Variants in SPTLC1 observed in about 807,000 individuals in gnomAD.
The protein encoded by SPTLC1 is serine palmitoyltransferase long chain base subunit 1, also known as serine palmitoyltransferase 1.
SPTLC1 carries 55 observed loss-of-function variants against 68.9 expected under a neutral mutation model. That is an observed-to-expected ratio of 0.80 (90% CI 0.64 to 1.00). The LOEUF (loss-of-function observed/expected upper bound fraction) is 1.00, where lower values mean the gene tolerates loss of function less well. SPTLC1 is among the 50% of genes least tolerant of loss of function. The pLI is 0.00. For synonymous variants in SPTLC1, 197 were observed against 201.6 expected (o/e 0.98, Z 0.19); for missense variants, 449 against 573.1 (o/e 0.78, Z 2.21).
intron 3 of SPTLC1, chr9:92,104,349 G>A: frequency 7.2e-7 from 1 of 1,393,304 alleles, no homozygotes; most frequent in Non-Finnish European, 9.3e-7. Context: ...CGGGAATCTG[G>A]GGCCGTTTCC....
chr9:92,083,905 C>G (rs1835001937), intron 3 of SPTLC1, among the ~76,000 whole-genome samples: 1 of 152,166 alleles, frequency 6.6e-6, no homozygotes, highest in African/African-American at 2.4e-5. Context: ...TTTGTATCCT[C>G]TTTTATTTCC....
At chr9:92,077,501 A>T (rs907553039) in intron 5 of SPTLC1, among the ~76,000 whole-genome samples, 1 of 152,088 alleles carries the variant, frequency 6.6e-6, no homozygotes, top group African/African-American at 2.4e-5. Flanking sequence ...AACTGTGCCC[A>T]TCAGACGACC....
intron 11 of SPTLC1, among the ~76,000 whole-genome samples, chr9:92,046,743 A>G (rs983953405): frequency 1.3e-5 from 2 of 152,218 alleles, no homozygotes; most frequent in African/African-American, 4.8e-5. Context: ...TGGCCTCAGT[A>G]CCAACTGATG....
At chr9:92,071,856 T>C (rs1415765328) in intron 5 of SPTLC1, among the ~76,000 whole-genome samples, 1 of 152,194 alleles carries the variant, frequency 6.6e-6, no homozygotes, top group Non-Finnish European at 1.5e-5. Context: ...TAACAGGCTC[T>C]ACCCTAACTG....
rs1387007219 is a variant in SPTLC1 at position 92,083,717 on chromosome 9, G to A, written c.261-2754C>T. On this transcript the variant is annotated intron_variant, in intron 3 of 14. Coordinates refer to ENST00000262554, the MANE Select transcript of SPTLC1 (RefSeq NM_006415.4). The stretch of plus-strand genomic sequence containing the variant: ...TCTTTTGGCTTAGGATTGACTTGGC[G>A]ATGTGGGCTCTTTTTTGGTTCCATA... Among the ~76,000 whole-genome samples, 31 of 152,060 alleles carry A rather than the reference G, an allele frequency of 2.0e-4. No homozygotes were observed. In the East Asian group the frequency reaches 4.6e-3, roughly 23 times the overall value.
At chr9:92,038,451 T>A (rs1337906333) in intron 12 of SPTLC1, 86 bp from the exon 13 acceptor site, 1 of 884,520 alleles carries the variant, frequency 1.1e-6, no homozygotes, top group Non-Finnish European at 1.9e-6. Context: ...AAGTCCACAA[T>A]GTCAAGGCAC....
At chr9:92,091,437 A>T (rs1000162455) in intron 3 of SPTLC1, among the ~76,000 whole-genome samples, 4 of 152,266 alleles carry the variant, frequency 2.6e-5, no homozygotes, top group Non-Finnish European at 5.9e-5. Flanking sequence ...CAATGCTTCT[A>T]ATGATGAATA....
chr9:92,107,000 T>C (rs1836022208), intron 3 of SPTLC1, among the ~76,000 whole-genome samples: 1 of 152,202 alleles, frequency 6.6e-6, no homozygotes. Flanking sequence ...AAATGGGTAG[T>C]GAGATTAAGT....
chr9:92,082,264 A>T (rs1334992383), intron 3 of SPTLC1, among the ~76,000 whole-genome samples: 1 of 151,870 alleles, frequency 6.6e-6, no homozygotes, highest in East Asian at 1.9e-4. Flanking sequence ...TTATACTCTA[A>T]GTTTTAGGGT....
At position 92,046,117 on chromosome 9, in the gene SPTLC1, T is replaced by G. The variant is rs151128008; in HGVS notation, c.1082-64A>C. Reference sequence around the variant, plus strand: ...TTATGATAGTACTAACCTAAAAATATTTTTGAAGACCCAGATCAAGTTCAT... The same window carrying G: ...TTATGATAGTACTAACCTAAAAATAGTTTTGAAGACCCAGATCAAGTTCAT... On this transcript the variant is annotated intron_variant, in intron 11 of 14. Coordinates refer to ENST00000262554, the MANE Select transcript of SPTLC1 (RefSeq NM_006415.4). 2.3e-4 allele frequency: 309 copies of G among 1,332,508 alleles called. 1 individual carries two copies. The highest frequency in any genetic ancestry group is 1.7e-3 in the Middle Eastern group (7 of 4,082). 82.5% of individuals were successfully genotyped at this position (1,332,508 alleles called of 1,614,324 possible).
At chr9:92,038,552 C>T in intron 12 of SPTLC1, 187 bp from the exon 13 acceptor site, 1 of 630,738 alleles carries the variant, frequency 1.6e-6, no homozygotes, top group Non-Finnish European at 2.9e-6. Flanking sequence ...AGTGCTTCCT[C>T]ATCTAAAAAA....
chr9:92,104,401 C>T, intron 3 of SPTLC1: 1 of 1,390,122 alleles, frequency 7.2e-7, no homozygotes, highest in South Asian at 1.5e-5. Flanking sequence ...GCCTTCTTTT[C>T]CAGTCAGGTG....
chr9:92,049,883 T>C, intron 9 of SPTLC1, 77 bp downstream of exon 9: 2 of 1,020,202 alleles, frequency 2.0e-6, no homozygotes, highest in Non-Finnish European at 3.1e-6. Context: ...CTTGTGCCTA[T>C]AAAAATATAG....
Position 92,079,800 on chromosome 9 carries a change from TGA to T in SPTLC1, c.427+214_427+215del. 1.7e-5 allele frequency: 11 copies of T among 651,950 alleles called. No individual in the cohort carries two copies. The South Asian group carries it at 2.0e-4, about 12-fold the overall frequency. 40.4% of individuals were successfully genotyped at this position (651,950 alleles called of 1,614,324 possible). On this transcript the variant is annotated intron_variant, in intron 5 of 14. Coordinates refer to ENST00000262554, the MANE Select transcript of SPTLC1 (RefSeq NM_006415.4). The stretch of plus-strand genomic sequence containing the variant: ...CAATCCCCACACATGCACACGAGGA[TGA>T]GCCCACCATGCCCGGCTAATTTTAT...
At chr9:92,085,211 T>G (rs1210654453) in intron 3 of SPTLC1, among the ~76,000 whole-genome samples, 2 of 151,062 alleles carry the variant, frequency 1.3e-5, no homozygotes, top group East Asian at 3.9e-4. Flanking sequence ...TTCATTAATT[T>G]TTTGAAGGGT....
intron 5 of SPTLC1, chr9:92,079,615 G>A: frequency 6.7e-7 from 1 of 1,495,890 alleles, no homozygotes; most frequent in Non-Finnish European, 9.3e-7. Flanking sequence ...CTCCACCCCA[G>A]GCAATCTGCT....
At chr9:92,105,668 G>A (rs1488727496) in intron 3 of SPTLC1, among the ~76,000 whole-genome samples, 8 of 149,680 alleles carry the variant, frequency 5.3e-5, no homozygotes, top group Non-Finnish European at 7.4e-5. Flanking sequence ...AGTGAGGAGC[G>A]CCTCTGCCAG....
rs113624186 is a variant in SPTLC1 at position 92,063,565 on chromosome 9, T to C, written c.561-4257A>G. On this transcript the variant is annotated intron_variant, in intron 6 of 14. Coordinates refer to ENST00000262554, the MANE Select transcript of SPTLC1 (RefSeq NM_006415.4). Reference sequence around the variant, plus strand: ...AGTAAGTATCAAAAAAAGTGTATTATAGGACAATCTCCCTCATGAACACAG... The same window carrying C: ...AGTAAGTATCAAAAAAAGTGTATTACAGGACAATCTCCCTCATGAACACAG... Among the ~76,000 whole-genome samples the C allele has an allele frequency of 1.6e-3, 251 of 152,204 alleles. 1 individual carries two copies. The highest frequency in any genetic ancestry group is 4.7e-3 in the African/African-American group (196 of 41,546).
intron 8 of SPTLC1, among the ~76,000 whole-genome samples, chr9:92,053,486 C>T (rs10992215): frequency 0.05 from 7,660 of 152,190 alleles, 514 homozygotes; most frequent in East Asian, 0.27. Context: ...GCACTATTTG[C>T]AATAGCAAAA....
Sources: gnomAD v4.1 joint callset for allele counts (sites outside exome capture counted in the v4.1 genomes callset) on GRCh38, gnomAD v4.1.1 for gene constraint, MANE v1.5 for transcripts, NCBI Gene and HGNC (gene_info 2026-07-23, HGNC 2026-07-21) for gene names.